SLC44A3: variants seen among roughly 807,000 people sequenced by gnomAD.
SLC44A3 encodes choline transporter-like protein 3.
Under a neutral mutation model 75.4 loss-of-function variants are expected in SLC44A3, and 74 were observed. The ratio of observed to expected loss-of-function variants is 0.98; its 90% CI spans 0.81 to 1.19. The LOEUF is 1.19. Among genes scored for constraint, SLC44A3 ranks in the 50% most tolerant of loss-of-function variants. The pLI is 0.00. For synonymous variants in SLC44A3, 310 were observed against 296.9 expected (o/e 1.04, Z -0.45); for missense variants, 700 against 778.6 (o/e 0.90, Z 1.20).
At chr1:94,827,424 A>G in intron 3 of SLC44A3, 83 bp from the exon 4 acceptor site, 1 of 1,535,206 alleles carries the variant, frequency 6.5e-7, no homozygotes, top group East Asian at 2.3e-5. Flanking sequence ...ATTTGATAGC[A>G]TGTGGATATT....
chr1:94,839,450 T>C (rs1663278608), intron 6 of SLC44A3, among the ~76,000 whole-genome samples: 1 of 152,124 alleles, frequency 6.6e-6, no homozygotes, highest in East Asian at 1.9e-4. Context: ...TACAGTGCCA[T>C]GATCTTGGCT....
At chr1:94,869,636 T>C (rs768281486) in intron 12 of SLC44A3, among the ~76,000 whole-genome samples, 6 of 151,910 alleles carry the variant, frequency 3.9e-5, no homozygotes, top group Non-Finnish European at 8.8e-5. Flanking sequence ...CTGGTCTACA[T>C]TGACTACTGG....
At chr1:94,869,442 T>C (rs777692853) in intron 12 of SLC44A3, among the ~76,000 whole-genome samples, 13 of 152,250 alleles carry the variant, frequency 8.5e-5, no homozygotes, top group Non-Finnish European at 1.8e-4. Context: ...ATGGTGCCTG[T>C]GCACTAGGCT....
intron 5 of SLC44A3, among the ~76,000 whole-genome samples, chr1:94,836,415 A>G (rs1662790453): frequency 2.0e-5 from 3 of 152,218 alleles, no homozygotes; most frequent in African/African-American, 7.2e-5. Flanking sequence ...TCACACATTT[A>G]CTATCCATTT....
intron 2 of SLC44A3, among the ~76,000 whole-genome samples, chr1:94,823,216 A>G (rs928567965): frequency 1.3e-5 from 2 of 152,122 alleles, no homozygotes; most frequent in African/African-American, 4.8e-5. Flanking sequence ...TCTAAATCCA[A>G]ACACAGTCCA....
rs370759103 is a variant in SLC44A3 at position 94,857,317 on chromosome 1, T to G, written c.1073-18T>G. ...AGGAAAACATTGGTGTAAAGCATGT[T>G]TGTGTTTGAAACTTTAGGAGCTGCC... On this transcript the variant is annotated intron_variant, in intron 9 of 14. Transcript: ENST00000271227. 8.3e-5 allele frequency: 131 copies of G among 1,583,378 alleles called. No homozygotes were observed. The African/African-American group carries it at 1.7e-3, about 20-fold the overall frequency.
chr1:94,849,393 T>C (rs1303008949), intron 9 of SLC44A3, among the ~76,000 whole-genome samples: 1 of 151,978 alleles, frequency 6.6e-6, no homozygotes, highest in African/African-American at 2.4e-5. Flanking sequence ...AGAAACCAAA[T>C]CACCCGTCCC....
intron 10 of SLC44A3, among the ~76,000 whole-genome samples, chr1:94,860,661 T>C (rs932356217): frequency 6.6e-6 from 1 of 152,246 alleles, no homozygotes; most frequent in Non-Finnish European, 1.5e-5. Flanking sequence ...CAACCTAGAA[T>C]TGTATAGCCA....
intron 5 of SLC44A3, among the ~76,000 whole-genome samples, chr1:94,834,699 G>T (rs1303962382): frequency 1.3e-5 from 2 of 152,018 alleles, no homozygotes; most frequent in East Asian, 1.9e-4. Flanking sequence ...TGGCCAGGCT[G>T]GTCTCAAACT....
chr1:94,858,097 C>A (rs994872223), intron 10 of SLC44A3, among the ~76,000 whole-genome samples: 8 of 151,830 alleles, frequency 5.3e-5, no homozygotes, highest in African/African-American at 1.9e-4. Context: ...CAGGTGTGAG[C>A]CACCGCACCT....
At chr1:94,821,419 T>A (rs532916418) in intron 2 of SLC44A3, among the ~76,000 whole-genome samples, 7 of 152,328 alleles carry the variant, frequency 4.6e-5, no homozygotes, top group Admixed American at 4.6e-4. Context: ...TTGGTGCACC[T>A]TTAACAAAGG....
intron 8 of SLC44A3, chr1:94,843,173 TG>T (rs1308901847): frequency 6.6e-6 from 1 of 152,300 alleles, no homozygotes; most frequent in African/African-American, 2.4e-5. Flanking sequence ...GCTCCCTTTT[TG>T]TTTGTACACT....
intron 6 of SLC44A3, among the ~76,000 whole-genome samples, chr1:94,838,252 A>C (rs1002486313): frequency 2.0e-4 from 30 of 152,238 alleles, no homozygotes; most frequent in Admixed American, 6.5e-5. Flanking sequence ...ATCAGAAAGC[A>C]GATCAGAAAG....
rs189620666 is a variant in SLC44A3 at position 94,857,962 on chromosome 1, C to T, written c.1238+462C>T. Among the ~76,000 whole-genome samples, 159 of 152,054 alleles carry T rather than the reference C, an allele frequency of 1.0e-3. 1 individual carries two copies. Among genetic ancestry groups the T allele is most frequent in the African/African-American group, 3.3e-3 (136 of 41,458 alleles). On this transcript the variant is annotated intron_variant, in intron 10 of 14. Transcript: ENST00000271227. ...CCAAGTAGCTGGGACTAAAGGCATG[C>T]GCCATCACACTCGGCTGATTTTTGT...
intron 10 of SLC44A3, among the ~76,000 whole-genome samples, chr1:94,857,809 CTTTTTT>C (rs34204401): frequency 1.6e-5 from 1 of 63,966 alleles, no homozygotes; most frequent in Admixed American, 2.1e-4. Flanking sequence ...ATGGAGTAGC[CTTTTTT>C]TTTTTTTTTT....
At chr1:94,849,131 G>C (rs546889811) in intron 9 of SLC44A3, among the ~76,000 whole-genome samples, 1 of 152,184 alleles carries the variant, frequency 6.6e-6, no homozygotes, top group East Asian at 1.9e-4. Context: ...GAGAGACCTG[G>C]AGGTTATTCT....
intron 9 of SLC44A3, among the ~76,000 whole-genome samples, chr1:94,854,062 C>T (rs563563080): frequency 6.6e-6 from 1 of 152,250 alleles, no homozygotes; most frequent in South Asian, 2.1e-4. Context: ...AGAGCCTTAC[C>T]TGTTTATTAT....
At chr1:94,879,376 A>G (rs1032117328) in intron 12 of SLC44A3, among the ~76,000 whole-genome samples, 1 of 151,714 alleles carries the variant, frequency 6.6e-6, no homozygotes, top group Non-Finnish European at 1.5e-5. Flanking sequence ...TACTAAAAGT[A>G]CAAAAATTAG....
chr1:94,827,011 C>T (rs1661446637), intron 3 of SLC44A3, among the ~76,000 whole-genome samples: 1 of 152,318 alleles, frequency 6.6e-6, no homozygotes, highest in African/African-American at 2.4e-5. Context: ...TCCTGAGTGT[C>T]CTGGCTCTCA....
Sources: gnomAD v4.1 joint callset for allele counts (sites outside exome capture counted in the v4.1 genomes callset) on GRCh38, gnomAD v4.1.1 for gene constraint, MANE v1.5 for transcripts, NCBI Gene and HGNC (gene_info 2026-07-23, HGNC 2026-07-21) for gene names.